The following ZNF577 variants were observed in gnomAD, a reference collection of about 807,000 sequenced individuals.
ZNF577 encodes the protein zinc finger protein 577.
In ZNF577, 14 loss-of-function variants were observed where a neutral mutation model predicts 13.9. The ratio of observed to expected loss-of-function variants is 1.00; its 90% CI spans 0.66 to 1.57. The LOEUF (loss-of-function observed/expected upper bound fraction) is 1.57, where lower values mean the gene tolerates loss of function less well. ZNF577 is among the 40% of genes most tolerant of loss of function. The probability of loss-of-function intolerance (pLI) is 0.00; values close to 1 mark genes in which losing one functional copy is unlikely to be tolerated. For synonymous variants in ZNF577, 203 were observed against 202.9 expected (o/e 1.00, Z 0.00); for missense variants, 555 against 579.2 (o/e 0.96, Z 0.43).
chr19:51,820,965 A>T (rs1171029307), intron 9 of ZNF577, among the ~76,000 whole-genome samples: 2 of 152,196 alleles, frequency 1.3e-5, no homozygotes, highest in African/African-American at 4.8e-5. Flanking sequence ...GCATGTGAGT[A>T]ATGTTCATAA....
chr19:51,834,111 G>A (rs1039379788), intron 9 of ZNF577, among the ~76,000 whole-genome samples: 3 of 151,986 alleles, frequency 2.0e-5, no homozygotes, highest in African/African-American at 7.3e-5. Context: ...CTGGAGTAGG[G>A]GCAGGGTCTT....
chr19:51,881,655 C>A (rs985345077), intron 1 of ZNF577, among the ~76,000 whole-genome samples: 7 of 152,088 alleles, frequency 4.6e-5, no homozygotes, highest in African/African-American at 1.7e-4. Context: ...TCTTTCCTAC[C>A]CACTTTTAGA....
At chr19:51,828,599 T>C (rs2084243907) in intron 9 of ZNF577, among the ~76,000 whole-genome samples, 1 of 152,144 alleles carries the variant, frequency 6.6e-6, no homozygotes, top group Non-Finnish European at 1.5e-5. Flanking sequence ...TTGTGGAGTC[T>C]CAATTCCCAT....
chr19:51,857,426 G>GAGAAAGAA (rs1555745841), intron 5 of ZNF577, among the ~76,000 whole-genome samples: 12 of 96,768 alleles, frequency 1.2e-4, no homozygotes, highest in Non-Finnish European at 2.0e-4. Context: ...AAGAAAGAAA[G>GAGAAAGAA]AAAAGAAAAA....
chr19:51,864,182 C>A (rs1174158105), downstream of ZNF577, among the ~76,000 whole-genome samples: 1 of 152,140 alleles, frequency 6.6e-6, no homozygotes, highest in African/African-American at 2.4e-5. Context: ...TACAGATTTG[C>A]TACATCATAT....
At chr19:51,821,878 GA>G (rs1188061577) in intron 9 of ZNF577, among the ~76,000 whole-genome samples, 1 of 152,090 alleles carries the variant, frequency 6.6e-6, no homozygotes, top group African/African-American at 2.4e-5. Context: ...TATTATTTGT[GA>G]ACAAGTGCTG....
intron 5 of ZNF577, among the ~76,000 whole-genome samples, chr19:51,845,625 A>G (rs1271526805): frequency 6.6e-6 from 1 of 152,156 alleles, no homozygotes; most frequent in African/African-American, 2.4e-5. Flanking sequence ...ACATTTCCAC[A>G]ACCCTCTCCC....
chr19:51,876,475 G>A (rs1029094636), intron 5 of ZNF577, among the ~76,000 whole-genome samples: 1 of 152,000 alleles, frequency 6.6e-6, no homozygotes, highest in African/African-American at 2.4e-5. Flanking sequence ...ACAGAAGCTG[G>A]AAAGGCGGGG....
At chr19:51,873,883 C>A (rs1340335951) in intron 5 of ZNF577, among the ~76,000 whole-genome samples, 177 bp from the exon 6 acceptor site, 1 of 152,136 alleles carries the variant, frequency 6.6e-6, no homozygotes, top group East Asian at 1.9e-4. Flanking sequence ...GTAAACCCCC[C>A]AAATTTCTCC....
chr19:51,877,332 C>T lies in ZNF577; in HGVS notation c.233G>A (p.Gly78Glu). ...KPDSLFKLEQ[G>E]EPPGIAEGAA... is the part of the protein sequence containing the mutation. ...TCCTTCTGCTATCCCTGGGGGTTCTCCTTGCTCCAACTTGAAGAGCGAATC... is the reference window on the plus strand; with the variant it reads ...TCCTTCTGCTATCCCTGGGGGTTCTTCTTGCTCCAACTTGAAGAGCGAATC... Residue 78 changes from glycine to glutamate, a missense_variant, in exon 5 of 6, where the codon GGA becomes GAA. Coordinates refer to ENST00000638348, the MANE Select transcript of ZNF577 (RefSeq NM_001370449.1). 1 of 1,614,094 alleles carries T rather than the reference C, an allele frequency of 6.2e-7. No individual in the cohort carries two copies.
chr19:51,840,613 T>C (rs1045464706), intron 8 of ZNF577: 1 of 151,976 alleles, frequency 6.6e-6, no homozygotes, highest in Non-Finnish European at 1.5e-5. Flanking sequence ...AAGAGAATAT[T>C]AGTTGTACTT....
At chr19:51,853,806 G>A (rs989018273) in intron 5 of ZNF577, among the ~76,000 whole-genome samples, 1 of 152,084 alleles carries the variant, frequency 6.6e-6, no homozygotes, top group Non-Finnish European at 1.5e-5. Context: ...CACCCCTAAA[G>A]GATTGACATC....
At chr19:51,856,380 A>T (rs1282955178) in intron 5 of ZNF577, among the ~76,000 whole-genome samples, 1 of 152,212 alleles carries the variant, frequency 6.6e-6, no homozygotes, top group Non-Finnish European at 1.5e-5. Flanking sequence ...AAAAATTCGA[A>T]TATGTCCCCA....
chr19:51,851,334 A>G (rs943238624), intron 5 of ZNF577, among the ~76,000 whole-genome samples: 1 of 152,218 alleles, frequency 6.6e-6, no homozygotes. Flanking sequence ...TCACACAGCC[A>G]ATGAGTAGCA....
In ZNF577 at chr19:51,887,464, C is replaced by G. The variant is rs1346207445; in HGVS notation, c.-862G>C. 1.3e-5 allele frequency: 2 copies of G among 152,160 alleles called. No homozygotes were observed. The highest frequency in any genetic ancestry group is 2.9e-5 in the Non-Finnish European group (2 of 68,040). 9.4% of individuals were successfully genotyped at this position (152,160 alleles called of 1,614,324 possible). On this transcript the variant is annotated 5_prime_UTR_variant, in exon 1 of 6. Transcript: ENST00000638348. ...TGTTATTACTTGGGTCGCAATGAAC[C>G]TGAAAACCCATTTTCTACAGAATAT...
In ZNF577 at chr19:51,870,784, G is replaced by T. The variant is rs1045161542; in HGVS notation, c.*1748C>A. Among the ~76,000 whole-genome samples the T allele has an allele frequency of 1.3e-5, 2 of 152,062 alleles. No individual in the cohort carries two copies. Among genetic ancestry groups the T allele is most frequent in the Non-Finnish European group, 2.9e-5 (2 of 68,016 alleles). ...TGTCTCAATTCAGAGAGATGGCTGG[G>T]ATCTGCTTGGGTTTCTCCTCCCAAT... On this transcript the variant is annotated 3_prime_UTR_variant, in exon 6 of 6. Coordinates refer to ENST00000638348, the MANE Select transcript of ZNF577 (RefSeq NM_001370449.1).
At position 51,836,674 on chromosome 19, in the gene ZNF577, C is replaced by G. The variant is rs2084288934; in HGVS notation, c.*599+3219G>C. On this transcript the variant is annotated intron_variant and NMD_transcript_variant, in intron 9 of 10. Transcript: ENST00000638827. ...GTCTGTCAACTGGTGAGTGGATACA[C>G]TATAGCATATCTGTATGATGGAATG... Among the ~76,000 whole-genome samples, 3 of 152,290 alleles carry G rather than the reference C, an allele frequency of 2.0e-5. No individual in the cohort carries two copies. The South Asian group carries it at 6.2e-4, about 32-fold the overall frequency.
chr19:51,823,794 C>G (rs368542589), intron 9 of ZNF577: 2 of 1,610,720 alleles, frequency 1.2e-6, no homozygotes, highest in Non-Finnish European at 1.7e-6. Flanking sequence ...TGAGGAGGTG[C>G]TCCCTGAGCC....
intron 1 of ZNF577, among the ~76,000 whole-genome samples, chr19:51,885,848 C>T (rs535734836): frequency 4.6e-5 from 7 of 152,190 alleles, no homozygotes; most frequent in East Asian, 1.9e-4. Context: ...TGTAGAAAAA[C>T]GTTCATATCA....
Sources: gnomAD v4.1 joint callset for allele counts (sites outside exome capture counted in the v4.1 genomes callset) on GRCh38, gnomAD v4.1.1 for gene constraint, MANE v1.5 for transcripts, NCBI Gene and HGNC (gene_info 2026-07-23, HGNC 2026-07-21) for gene names.